The following MBNL2 variants were observed in gnomAD, a reference collection of about 807,000 sequenced individuals.
MBNL2 encodes muscleblind like splicing regulator 2.
Under a neutral mutation model 41.9 loss-of-function variants are expected in MBNL2, and 17 were observed. The observed-to-expected ratio is 0.41, with a 90% CI of 0.28 to 0.61. The LOEUF (loss-of-function observed/expected upper bound fraction) is 0.61. Among genes scored for constraint, MBNL2 ranks in the 20% least tolerant of loss-of-function variants. MBNL2 has a pLI of 0.35. For missense variants in MBNL2, 336 were observed against 505.6 expected, an observed-to-expected ratio of 0.66 and a Z score of 3.22; for synonymous variants, 195 against 182.9, an observed-to-expected ratio of 1.07 and a Z score of -0.53.
the MBNL2 span, among the ~76,000 whole-genome samples, chr13:97,180,707 A>C: frequency 7.0e-6 from 1 of 143,588 alleles, no homozygotes; most frequent in East Asian, 2.1e-4. Context: ...GCACCACTGC[A>C]CTCCAGGCTG....
intron 1 of MBNL2, among the ~76,000 whole-genome samples, chr13:97,231,088 A>T (rs1187054752): frequency 6.6e-6 from 1 of 152,204 alleles, no homozygotes; most frequent in African/African-American, 2.4e-5. Context: ...TCCTGTTCTC[A>T]AAGACCCTGG....
At position 97,287,929 on chromosome 13, in the gene MBNL2, GTTTTGTTTTGT is replaced by G. The variant is rs1566393614; in HGVS notation, c.174+11525_174+11535del. 1.4e-3 allele frequency among the ~76,000 whole-genome samples: 103 copies of G among 72,626 alleles called. 3 individuals are homozygous for G. Among genetic ancestry groups the G allele is most frequent in the African/African-American group, 4.8e-3 (100 of 20,878 alleles). The allele number at this position is 72,626 out of a possible 152,430, so 47.6% of individuals were successfully genotyped here. A position where few individuals can be genotyped will look rare whatever the true frequency, so the allele number is the denominator to read the frequency against. On this transcript the variant is annotated intron_variant, in intron 2 of 8. Coordinates refer to ENST00000679496, the MANE Select transcript of MBNL2 (RefSeq NM_001382683.1). ...CCGGCTAATTTTCTGTTTTTTTTTT[GTTTTGTTTTGT>G]TTTTTTTTTTTTTAGTAGAGATGGG...
chr13:97,301,836 T>G (rs1365155481), intron 2 of MBNL2, among the ~76,000 whole-genome samples: 1 of 152,224 alleles, frequency 6.6e-6, no homozygotes, highest in African/African-American at 2.4e-5. Context: ...CCTTCCTGTT[T>G]CGTGAGCATC....
At chr13:97,227,917 A>G (rs1038573903) in intron 1 of MBNL2, among the ~76,000 whole-genome samples, 1 of 152,216 alleles carries the variant, frequency 6.6e-6, no homozygotes, top group African/African-American at 2.4e-5. Context: ...GGTCACACAG[A>G]AGTAAGGTGC....
intron 2 of MBNL2, among the ~76,000 whole-genome samples, chr13:97,303,150 C>A (rs999601071): frequency 2.6e-5 from 4 of 152,158 alleles, no homozygotes; most frequent in Non-Finnish European, 5.9e-5. Flanking sequence ...ACAGGGAAAT[C>A]GTGTCCCAGT....
upstream of MBNL2, among the ~76,000 whole-genome samples, chr13:97,217,060 TATATACAC>T (rs2040436362): frequency 6.9e-6 from 1 of 145,188 alleles, no homozygotes; most frequent in East Asian, 1.9e-4. Flanking sequence ...AATATATACA[TATATACAC>T]ATATGTGTTG....
chr13:97,158,084 G>T, the MBNL2 span, among the ~76,000 whole-genome samples: 1 of 151,698 alleles, frequency 6.6e-6, no homozygotes, highest in Non-Finnish European at 1.5e-5. Context: ...CCTGTTATTG[G>T]TCTATTCAGA....
At chr13:97,239,801 G>A (rs1283620641) in intron 1 of MBNL2, among the ~76,000 whole-genome samples, 1 of 152,232 alleles carries the variant, frequency 6.6e-6, no homozygotes, top group African/African-American at 2.4e-5. Flanking sequence ...TGCACAAAAT[G>A]TACAGCACGT....
chr13:97,355,536 T>C (rs1433299538), intron 5 of MBNL2, among the ~76,000 whole-genome samples: 1 of 152,154 alleles, frequency 6.6e-6, no homozygotes, highest in African/African-American at 2.4e-5. Flanking sequence ...AAAGGGTATT[T>C]CATTTTTTAT....
At chr13:97,187,269 A>G in the MBNL2 span, among the ~76,000 whole-genome samples, 1 of 152,146 alleles carries the variant, frequency 6.6e-6, no homozygotes, top group African/African-American at 2.4e-5. Flanking sequence ...AAAAGAAGAG[A>G]TAAGTACAAA....
the MBNL2 span, among the ~76,000 whole-genome samples, chr13:97,213,684 A>G: frequency 2.6e-5 from 4 of 152,194 alleles, no homozygotes; most frequent in East Asian, 1.9e-4. Flanking sequence ...GAATGTTTCA[A>G]TTGGGACCAA....
chr13:97,385,390 T>G (rs575545285), intron 8 of MBNL2, among the ~76,000 whole-genome samples: 30 of 152,228 alleles, frequency 2.0e-4, no homozygotes, highest in Non-Finnish European at 2.5e-4. Flanking sequence ...GTATTTTTTA[T>G]CTATGCCATC....
chr13:97,330,201 A>G (rs2060314509), intron 2 of MBNL2, among the ~76,000 whole-genome samples: 1 of 152,180 alleles, frequency 6.6e-6, no homozygotes, highest in South Asian at 2.1e-4. Flanking sequence ...GTATATGACC[A>G]CCTGCTGGTT....
chr13:97,215,353 C>T, the MBNL2 span, among the ~76,000 whole-genome samples: 3 of 152,204 alleles, frequency 2.0e-5, no homozygotes, highest in Admixed American at 6.5e-5. Flanking sequence ...TGTACATTTT[C>T]TAAGGAAATA....
At chr13:97,218,989 G>A (rs1310875161), upstream of MBNL2, among the ~76,000 whole-genome samples, 3 of 151,756 alleles carry the variant, frequency 2.0e-5, no homozygotes, top group African/African-American at 7.3e-5. Context: ...CCAAATTAAT[G>A]TATAACCATC....
chr13:97,208,538 G>A, the MBNL2 span, among the ~76,000 whole-genome samples: 1 of 152,118 alleles, frequency 6.6e-6, no homozygotes, highest in Admixed American at 6.5e-5. Flanking sequence ...ATCTCCCGGG[G>A]TGTAGAAACC....
At chr13:97,353,841 G>GT (rs752252432) in intron 5 of MBNL2, among the ~76,000 whole-genome samples, 2 of 151,956 alleles carry the variant, frequency 1.3e-5, no homozygotes, top group Non-Finnish European at 2.9e-5. Context: ...AGCTAGATAC[G>GT]TTTCGATTGT....
At chr13:97,313,077 A>C (rs2058745731) in intron 2 of MBNL2, among the ~76,000 whole-genome samples, 1 of 152,166 alleles carries the variant, frequency 6.6e-6, no homozygotes, top group Non-Finnish European at 1.5e-5. Context: ...AAATTCTAGA[A>C]ATTCTTGGGA....
chr13:97,259,280 G>C (rs2048145122), intron 1 of MBNL2, among the ~76,000 whole-genome samples: 1 of 152,098 alleles, frequency 6.6e-6, no homozygotes, highest in African/African-American at 2.4e-5. Flanking sequence ...TTCTGTGCTA[G>C]GAGAAGAGAA....
Sources: gnomAD v4.1 joint callset for allele counts (sites outside exome capture counted in the v4.1 genomes callset) on GRCh38, gnomAD v4.1.1 for gene constraint, MANE v1.5 for transcripts, NCBI Gene and HGNC (gene_info 2026-07-23, HGNC 2026-07-21) for gene names.